ZFPM2: variants seen among roughly 807,000 people sequenced by gnomAD.
The protein encoded by ZFPM2 is zinc finger protein, FOG family member 2, also known as zinc finger protein ZFPM2.
A neutral mutation model predicts 98.6 loss-of-function variants in ZFPM2; 20 were observed. The observed-to-expected ratio is 0.20, with a 90% CI of 0.14 to 0.29. The LOEUF is 0.29. Ranked by LOEUF, ZFPM2 falls within the 10% of genes least tolerant of loss-of-function variation. The pLI, the probability that ZFPM2 is intolerant of heterozygous loss-of-function variation, is 1.00. For missense variants in ZFPM2, 1,310 were observed against 1,388.6 expected (o/e 0.94, Z 0.90); for synonymous variants, 518 against 502.7 (o/e 1.03, Z -0.41).
intron 4 of ZFPM2, among the ~76,000 whole-genome samples, chr8:105,584,060 G>T (rs1815660267): frequency 6.6e-6 from 1 of 151,600 alleles, no homozygotes; most frequent in South Asian, 2.1e-4. Context: ...GTTTTTTTTG[G>T]TATTACATTT....
At chr8:105,388,791 C>T (rs1257133136) in intron 1 of ZFPM2, among the ~76,000 whole-genome samples, 7 of 152,028 alleles carry the variant, frequency 4.6e-5, no homozygotes, top group African/African-American at 7.2e-5. Context: ...TGCTAATATC[C>T]GGGTTGCGTT....
At chr8:105,490,970 C>G (rs1390766729) in intron 3 of ZFPM2, among the ~76,000 whole-genome samples, 1 of 152,074 alleles carries the variant, frequency 6.6e-6, no homozygotes, top group Non-Finnish European at 1.5e-5. Context: ...AAAAGGTCAT[C>G]TTTATATCAA....
intron 5 of ZFPM2, among the ~76,000 whole-genome samples, chr8:105,711,655 A>G (rs1029971666): frequency 3.3e-5 from 5 of 152,074 alleles, no homozygotes; most frequent in South Asian, 2.1e-4. Flanking sequence ...CTCAGCCTTC[A>G]TGATTTTTAC....
At chr8:105,434,867 C>T (rs1237054374) in intron 2 of ZFPM2, among the ~76,000 whole-genome samples, 2 of 152,190 alleles carry the variant, frequency 1.3e-5, no homozygotes, top group African/African-American at 4.8e-5. Flanking sequence ...TGCTTTCAAA[C>T]ACTGCTGCTA....
intron 3 of ZFPM2, among the ~76,000 whole-genome samples, chr8:105,495,854 T>A (rs1362018477): frequency 1.3e-5 from 2 of 152,260 alleles, no homozygotes; most frequent in African/African-American, 4.8e-5. Flanking sequence ...AATCACAGCC[T>A]ATGTGTTTTT....
intron 3 of ZFPM2, among the ~76,000 whole-genome samples, chr8:105,534,149 T>C (rs1228128415): frequency 1.7e-5 from 1 of 58,502 alleles, no homozygotes; most frequent in African/African-American, 7.9e-5. Context: ...CTTTCTTCCT[T>C]CCTCCCTCCT....
intron 4 of ZFPM2, among the ~76,000 whole-genome samples, chr8:105,621,782 A>G (rs1816552823): frequency 1.3e-5 from 2 of 152,140 alleles, no homozygotes; most frequent in Non-Finnish European, 2.9e-5. Context: ...TAGATAACCT[A>G]TAAATATTAT....
intron 4 of ZFPM2, among the ~76,000 whole-genome samples, chr8:105,596,150 G>A (rs1278811663): frequency 6.6e-6 from 1 of 152,046 alleles, no homozygotes; most frequent in African/African-American, 2.4e-5. Context: ...TATCAAAATG[G>A]AAGAGCAGGT....
chr8:105,575,065 A>G (rs1357675935), intron 4 of ZFPM2, among the ~76,000 whole-genome samples: 3 of 152,114 alleles, frequency 2.0e-5, no homozygotes, highest in Non-Finnish European at 4.4e-5. Context: ...ATTTCTTCAA[A>G]ACTTTGTGAA....
Position 105,323,616 on chromosome 8 carries a change from A to AT in ZFPM2, c.40+4641dup, listed in dbSNP as rs1048008083. Among the ~76,000 whole-genome samples the AT allele has an allele frequency of 1.2e-3, 188 of 151,874 alleles. 1 individual carries two copies. The highest frequency in any genetic ancestry group is 1.5e-3 in the Non-Finnish European group (104 of 67,810). Reference sequence around the variant, plus strand: ...AATTTGAAATAATATCAATGCATAGATTTTTTCTGGAAAAATCTAGGAATA... The same window carrying AT: ...AATTTGAAATAATATCAATGCATAGATTTTTTTCTGGAAAAATCTAGGAATA... On this transcript the variant is annotated intron_variant, in intron 1 of 7. Coordinates refer to ENST00000407775, the MANE Select transcript of ZFPM2 (RefSeq NM_012082.4).
intron 1 of ZFPM2, among the ~76,000 whole-genome samples, chr8:105,374,591 GC>G (rs1348191057): frequency 1.3e-5 from 2 of 151,998 alleles, no homozygotes; most frequent in Non-Finnish European, 2.9e-5. Context: ...TCCCTATGTT[GC>G]CCAGGCTGTT....
intron 6 of ZFPM2, among the ~76,000 whole-genome samples, chr8:105,796,370 C>T (rs1596163): frequency 0.083 from 12,620 of 152,100 alleles, 1,746 homozygotes; most frequent in African/African-American, 0.28. Context: ...ATGCAGAGAG[C>T]TTTTGCTTTC....
chr8:105,485,494 G>A (rs984172826), intron 3 of ZFPM2, among the ~76,000 whole-genome samples: 1 of 152,010 alleles, frequency 6.6e-6, no homozygotes, highest in East Asian at 1.9e-4. Flanking sequence ...CTCCAACCTG[G>A]GTGACAGAGC....
At chr8:105,663,574 T>G (rs1203588837) in intron 5 of ZFPM2, among the ~76,000 whole-genome samples, 1 of 152,168 alleles carries the variant, frequency 6.6e-6, no homozygotes, top group Non-Finnish European at 1.5e-5. Context: ...ATAAAATGGC[T>G]ACTATTATGA....
intron 1 of ZFPM2, among the ~76,000 whole-genome samples, chr8:105,336,572 AATC>A (rs1410877732): frequency 1.4e-4 from 22 of 151,798 alleles, no homozygotes; most frequent in Admixed American, 1.1e-3. Context: ...ATTTTGCTCA[AATC>A]ACCCTAAAGT....
intron 3 of ZFPM2, among the ~76,000 whole-genome samples, chr8:105,529,718 C>T (rs537553483): frequency 1.3e-5 from 2 of 151,884 alleles, no homozygotes; most frequent in African/African-American, 4.8e-5. Context: ...AGAAAACATG[C>T]CACTTTGATT....
intron 3 of ZFPM2, among the ~76,000 whole-genome samples, chr8:105,543,952 G>T (rs140340259): frequency 8.1e-4 from 123 of 152,256 alleles, no homozygotes; most frequent in African/African-American, 2.7e-3. Context: ...TAGATATTCT[G>T]ATGGACGTTA....
intron 5 of ZFPM2, chr8:105,678,985 A>G (rs1810537546): frequency 6.6e-6 from 1 of 152,210 alleles, no homozygotes. Flanking sequence ...CATCACTGCC[A>G]CTTGCTAGCC....
chr8:105,389,553 T>C (rs1406894857), intron 1 of ZFPM2, among the ~76,000 whole-genome samples: 1 of 152,150 alleles, frequency 6.6e-6, no homozygotes, highest in African/African-American at 2.4e-5. Flanking sequence ...TTCTACTACA[T>C]TGTTATTCTC....
Sources: gnomAD v4.1 joint callset for allele counts (sites outside exome capture counted in the v4.1 genomes callset) on GRCh38, gnomAD v4.1.1 for gene constraint, MANE v1.5 for transcripts, NCBI Gene and HGNC (gene_info 2026-07-23, HGNC 2026-07-21) for gene names.